NVL: variants seen among roughly 807,000 people sequenced by gnomAD.
NVL encodes nuclear valosin-containing protein-like.
In NVL, 84 loss-of-function variants were observed where a neutral mutation model predicts 110.2. The ratio of observed to expected loss-of-function variants is 0.76; its 90% CI spans 0.64 to 0.91. The LOEUF (loss-of-function observed/expected upper bound fraction) is 0.91. NVL is among the 40% of genes least tolerant of loss of function. The pLI is 0.00. For missense variants in NVL, 882 were observed against 1,035.9 expected, an observed-to-expected ratio of 0.85 and a Z score of 2.04; for synonymous variants, 354 against 361.1, an observed-to-expected ratio of 0.98 and a Z score of 0.22.
intron 15 of NVL, among the ~76,000 whole-genome samples, chr1:224,281,845 C>T (rs1260454175): frequency 4.0e-5 from 6 of 149,992 alleles, no homozygotes; most frequent in African/African-American, 7.4e-5. Flanking sequence ...CTCAGCTACT[C>T]GAGAGGCTGA....
At chr1:224,290,225 T>A (rs2102635046) in intron 12 of NVL, among the ~76,000 whole-genome samples, 1 of 152,330 alleles carries the variant, frequency 6.6e-6, no homozygotes, top group Admixed American at 6.5e-5. Context: ...CTGTACTACA[T>A]GTGTGGAAAA....
intron 12 of NVL, among the ~76,000 whole-genome samples, chr1:224,291,728 T>A (rs948049792): frequency 6.6e-6 from 1 of 152,222 alleles, no homozygotes; most frequent in African/African-American, 2.4e-5. Flanking sequence ...AAAAACATCA[T>A]GATAAACCCT....
In NVL at chr1:224,289,736, G is replaced by A. The variant is rs1046958738; in HGVS notation, c.1326-3C>T. Reference sequence around the variant, plus strand: ...TTCTGCACAATGTTTGAAGTATTCTGTAGAAAAGACAGGGGAAAAAATTTC... The same window carrying A: ...TTCTGCACAATGTTTGAAGTATTCTATAGAAAAGACAGGGGAAAAAATTTC... On this transcript the variant is annotated splice_region_variant and splice_polypyrimidine_tract_variant and intron_variant, in intron 12 of 22. Transcript: ENST00000281701. The A allele has an allele frequency of 6.3e-7, 1 of 1,599,242 alleles. No individual in the cohort carries two copies. Among genetic ancestry groups the A allele is most frequent in the South Asian group, 1.1e-5 (1 of 89,386 alleles).
At chr1:224,329,893 A>C (rs1285829465) in intron 1 of NVL, among the ~76,000 whole-genome samples, 178 bp downstream of exon 1, 1 of 152,066 alleles carries the variant, frequency 6.6e-6, no homozygotes, top group African/African-American at 2.4e-5. Flanking sequence ...CTCCGCACCA[A>C]CGTGGGTAGG....
rs201611217 is a variant in NVL, at chr1:224,268,047, G to A, written c.2169C>T (p.Ala723=). Reference sequence around the variant, plus strand: ...TTTATTTCTTACCTGGCCTGTTAGTGGCTGCCATAATAAAAACCTGCTGGC... The same window carrying A: ...TTTATTTCTTACCTGGCCTGTTAGTAGCTGCCATAATAAAAACCTGCTGGC... ...EARQQVFIMA[A]TNRPDIIDPA... Residue 723 remains alanine, a synonymous_variant, in exon 18 of 23, where the codon GCC becomes GCT. Transcript: ENST00000281701. 40 of 1,612,806 alleles carry A rather than the reference G, an allele frequency of 2.5e-5. No individual in the cohort carries two copies. In the East Asian group the frequency reaches 8.9e-4, roughly 36 times the overall value.
rs1359444641 is a variant in NVL at position 224,264,763 on chromosome 1, CAG to C, written c.2182+3269_2182+3270del. ...TTATTATTATTATTATTTTTTGAGACAGAGTCTCGCTTTGTCACTCAGGCTGG... is the reference window on the plus strand; with the variant it reads ...TTATTATTATTATTATTTTTTGAGACAGTCTCGCTTTGTCACTCAGGCTGG... On this transcript the variant is annotated intron_variant, in intron 18 of 22. Transcript: ENST00000281701. 3.7e-4 allele frequency among the ~76,000 whole-genome samples: 56 copies of C among 151,720 alleles called. 1 individual carries two copies. The highest frequency in any genetic ancestry group is 7.4e-5 in the Non-Finnish European group (5 of 67,938).
At chr1:224,294,481 A>G (rs1476985907) in intron 11 of NVL, 70 bp from the exon 12 acceptor site, 1 of 1,494,678 alleles carries the variant, frequency 6.7e-7, no homozygotes, top group Admixed American at 1.7e-5. Flanking sequence ...TTACAGAATC[A>G]TTTCATGGTT....
chr1:224,287,933 TC>T lies in NVL; in HGVS notation c.1635del (p.Met546CysfsTer8). ...TTCAGTTCAATGCACAGTCCTTGCA[TC>T]TGCTCCTCTGAGAGGGGATCTTGGT... Reference protein sequence around the residue: ...LRDQDPLSEEQMQGLCIELND... With the variant: ...LRDQDPLSEEXMQGLCIELND... On this transcript the variant is annotated frameshift_variant, in exon 14 of 23. Coordinates refer to ENST00000281701, the MANE Select transcript of NVL (RefSeq NM_002533.4). LOFTEE classifies it high-confidence loss of function. 6.2e-7 allele frequency: 1 copy of T among 1,613,916 alleles called. No homozygotes were observed. Among genetic ancestry groups the T allele is most frequent in the Non-Finnish European group, 8.5e-7 (1 of 1,180,012 alleles).
At chr1:224,294,554 C>T in intron 11 of NVL, 143 bp from the exon 12 acceptor site, 1 of 747,404 alleles carries the variant, frequency 1.3e-6, no homozygotes, top group South Asian at 1.8e-5. Context: ...TATTAAATGT[C>T]AAATATGTAA....
intron 18 of NVL, among the ~76,000 whole-genome samples, chr1:224,265,799 A>G (rs940716471): frequency 6.6e-6 from 1 of 152,146 alleles, no homozygotes; most frequent in African/African-American, 2.4e-5. Context: ...CGCCACTCTC[A>G]CTATTTTTTA....
chr1:224,233,590 T>A (rs1255375279), intron 20 of NVL, among the ~76,000 whole-genome samples: 2 of 152,000 alleles, frequency 1.3e-5, no homozygotes, highest in African/African-American at 4.8e-5. Flanking sequence ...AAATGCCATA[T>A]CTACAAAACT....
chr1:224,229,307 A>T (rs1362332298), intron 22 of NVL, among the ~76,000 whole-genome samples: 1 of 150,420 alleles, frequency 6.6e-6, no homozygotes, highest in South Asian at 2.1e-4. Context: ...AAAAAAATAA[A>T]TAAATAAATA....
At chr1:224,232,000 C>G (rs986262389) in intron 21 of NVL, 1 of 151,448 alleles carries the variant, frequency 6.6e-6, no homozygotes, top group Non-Finnish European at 1.5e-5. Context: ...GCACTCCAGC[C>G]TGGGCGACAG....
At position 224,286,038 on chromosome 1, in the gene NVL, A is replaced by T. The variant is rs757297586; in HGVS notation, c.1887T>A (p.Thr629=). 4 of 1,613,478 alleles carry T rather than the reference A, an allele frequency of 2.5e-6. No homozygotes were observed. In the East Asian group the frequency reaches 8.9e-5, roughly 36 times the overall value. The part of the protein sequence containing the change: ...LLAGPPGCGK[T]LLAKAVANES... ...ACTTATATGATACCTTCGCCAGCAG[A>T]GTCTTCCCACAGCCAGGAGGACCAG... The change falls in exon 15 of 23, where the codon ACT becomes ACA. Residue 629 remains threonine (T), a synonymous_variant. Coordinates refer to ENST00000281701, the MANE Select transcript of NVL (RefSeq NM_002533.4).
intron 17 of NVL, among the ~76,000 whole-genome samples, chr1:224,273,197 G>C (rs2102845225): frequency 6.6e-6 from 1 of 152,234 alleles, no homozygotes; most frequent in South Asian, 2.1e-4. Context: ...TGGATCACTT[G>C]AGACCAAGAG....
At position 224,254,563 on chromosome 1, in the gene NVL, GT is replaced by G. The variant is rs71572893; in HGVS notation, c.2183-4246del. 2.3e-3 allele frequency among the ~76,000 whole-genome samples: 83 copies of G among 36,746 alleles called. 2 individuals are homozygous for G. The East Asian group carries it at 0.033, about 15-fold the overall frequency. The allele number at this position is 36,746 out of a possible 152,430, so 24.1% of individuals were successfully genotyped here. A position where few individuals can be genotyped will look rare whatever the true frequency, so the allele number is the denominator to read the frequency against. ...ATGCACCACCATGCCCGGCTAATTTGTTTTTTTTGTTTTTTTTTTTTTTGTA... is the reference window on the plus strand; with the variant it reads ...ATGCACCACCATGCCCGGCTAATTTGTTTTTTTGTTTTTTTTTTTTTTGTA... On this transcript the variant is annotated intron_variant, in intron 18 of 22. Coordinates refer to ENST00000281701, the MANE Select transcript of NVL (RefSeq NM_002533.4).
At chr1:224,249,866 T>C (rs1259781311) in intron 19 of NVL, among the ~76,000 whole-genome samples, 1 of 152,192 alleles carries the variant, frequency 6.6e-6, no homozygotes, top group Non-Finnish European at 1.5e-5. Context: ...TCTGAGTACA[T>C]GGTCCCACAG....
intron 15 of NVL, 90 bp from the exon 16 acceptor site, chr1:224,281,275 CTCTGTGTGCGTG>C: frequency 1.1e-6 from 1 of 927,060 alleles, no homozygotes; most frequent in Non-Finnish European, 1.7e-6. Flanking sequence ...AATGAAAGGA[CTCTGTGTGCGTG>C]TGTGTGTGTG....
At chr1:224,277,756 A>C (rs1291379571) in intron 16 of NVL, among the ~76,000 whole-genome samples, 3 of 152,176 alleles carry the variant, frequency 2.0e-5, no homozygotes, top group Admixed American at 1.3e-4. Context: ...ATTATTAAAC[A>C]TATTTTCCCT....
Sources: gnomAD v4.1 joint callset for allele counts (sites outside exome capture counted in the v4.1 genomes callset) on GRCh38, gnomAD v4.1.1 for gene constraint, MANE v1.5 for transcripts, NCBI Gene and HGNC (gene_info 2026-07-23, HGNC 2026-07-21) for gene names.